The following MARK1 variants were observed in gnomAD, a reference collection of about 807,000 sequenced individuals.
MARK1 encodes the protein serine/threonine-protein kinase MARK1.
Under a neutral mutation model 96.3 loss-of-function variants are expected in MARK1, and 40 were observed. That is an observed-to-expected ratio of 0.42 (90% CI 0.32 to 0.54). The LOEUF (loss-of-function observed/expected upper bound fraction) is 0.54, where lower values mean the gene tolerates loss of function less well. MARK1 is among the 20% of genes least tolerant of loss of function. The pLI, the probability that MARK1 is intolerant of heterozygous loss-of-function variation, is 0.16. For synonymous variants in MARK1, 317 were observed against 341.2 expected (o/e 0.93, Z 0.78); for missense variants, 719 against 984.6 (o/e 0.73, Z 3.61).
In MARK1 at chr1:220,635,424, C is replaced by T. The variant is rs1667904525; in HGVS notation, c.1171C>T (p.Arg391Trp). 2.5e-6 allele frequency: 4 copies of T among 1,612,682 alleles called. No homozygotes were observed. Among genetic ancestry groups the T allele is most frequent in the South Asian group, 1.1e-5 (1 of 90,900 alleles). Residue 391 changes from arginine (R) to tryptophan (W), a missense_variant, in exon 12 of 18, where the codon CGG (arginine) becomes TGG (tryptophan). By Grantham distance (101) the Arg-to-Trp change is moderately radical (BLOSUM62 -3). Around this residue, in one of 4 missense-constraint regions of MARK1, gnomAD observed 501 missense variants for 588.3 expected, o/e 0.85. Coordinates refer to ENST00000366917, the MANE Select transcript of MARK1 (RefSeq NM_018650.5). The stretch of plus-strand genomic sequence containing the variant: ...CAGTGGAAACTTGTGTCAGAGGTCC[C>T]GGCCCAGTAGTGACTTAAACAACAG... ...LSSGNLCQRS[R>W]PSSDLNNSTL...
chr1:220,645,325 A>G (rs965553381), intron 13 of MARK1, among the ~76,000 whole-genome samples: 1 of 152,212 alleles, frequency 6.6e-6, no homozygotes, highest in African/African-American at 2.4e-5. Flanking sequence ...GAAGAAATGG[A>G]TAAGTTTCTG....
Position 220,661,961 on chromosome 1 carries a change from A to G in MARK1, c.2183A>G (p.Asn728Ser). ...GAAATCCGAAAAGTGTTAGATGCAA[A>G]TAACTGTGATTATGAGCAAAAAGAG... ...MREIRKVLDANNCDYEQKERF... is the reference protein window; with the variant it reads ...MREIRKVLDASNCDYEQKERF... The change falls in exon 18 of 18, where the codon AAT (asparagine) becomes AGT (serine). Residue 728 changes from asparagine (N) to serine (S), a missense_variant. Physicochemically the swap from Asn to Ser is conservative, Grantham distance 46. This residue lies in a region of MARK1 where 501 missense variants were observed against 588.3 expected (regional missense o/e 0.85). Coordinates refer to ENST00000366917, the MANE Select transcript of MARK1 (RefSeq NM_018650.5). 1 of 1,614,222 alleles carries G rather than the reference A, an allele frequency of 6.2e-7. No individual in the cohort carries two copies. The highest frequency in any genetic ancestry group is 8.5e-7 in the Non-Finnish European group (1 of 1,180,046).
chr1:220,552,412 A>G (rs1661926595), intron 1 of MARK1, among the ~76,000 whole-genome samples: 1 of 152,188 alleles, frequency 6.6e-6, no homozygotes, highest in Admixed American at 6.5e-5. Flanking sequence ...TTTGGAGTAC[A>G]TATTGCATCC....
Position 220,664,371 on chromosome 1 carries a change from A to G in MARK1, c.*2205A>G, listed in dbSNP as rs1230565308. 2.0e-5 allele frequency: 3 copies of G among 152,226 alleles called. No homozygotes were observed. In the East Asian group the frequency reaches 5.8e-4, roughly 29 times the overall value. 9.4% of individuals were successfully genotyped at this position (152,226 alleles called of 1,614,324 possible). A position where few individuals can be genotyped will look rare whatever the true frequency, so the allele number is the denominator to read the frequency against. ...CATAAATAAATACCAGTTTATGTTCACCGGCTATGTGATACCAGGATTTCC... is the reference window on the plus strand; with the variant it reads ...CATAAATAAATACCAGTTTATGTTCGCCGGCTATGTGATACCAGGATTTCC... On this transcript the variant is annotated 3_prime_UTR_variant, in exon 18 of 18. Transcript: ENST00000366917.
At chr1:220,586,011 A>ACACACACACACGCACGCGCG (rs112968910) in intron 3 of MARK1, among the ~76,000 whole-genome samples, 1 of 148,536 alleles carries the variant, frequency 6.7e-6, no homozygotes, top group Non-Finnish European at 1.5e-5. Context: ...ACACACACAC[A>ACACACACACACGCACGCGCG]CGCGCGCGTG....
Position 220,618,363 on chromosome 1 carries a change from T to C in MARK1, c.606T>C (p.Gly202=), listed in dbSNP as rs747504886. ...GDMNIKIADF[G]FSNEFTVGNK... ...TGAATATTAAAATTGCTGACTTTGG[T>C]TTTAGTAATGAATTTACAGTTGGGA... Residue 202 remains glycine, a synonymous_variant, in exon 8 of 18, where the codon GGT becomes GGC. Transcript: ENST00000366917. This position sits in a 1 kb window ranked among gnomAD's most constrained non-coding sequence, Gnocchi z 4.6. 6.2e-6 allele frequency: 10 copies of C among 1,614,014 alleles called. No individual in the cohort carries two copies. In the Admixed American group the frequency reaches 1.7e-4, roughly 27 times the overall value.
At chr1:220,632,882 A>G (rs556256865) in intron 11 of MARK1, among the ~76,000 whole-genome samples, 2 of 152,322 alleles carry the variant, frequency 1.3e-5, no homozygotes, top group East Asian at 1.9e-4. Flanking sequence ...GCATTGCTAT[A>G]AAGAAGTACC....
chr1:220,534,763 G>GACTACTTT (rs1297746866), intron 1 of MARK1, among the ~76,000 whole-genome samples: 1 of 152,022 alleles, frequency 6.6e-6, no homozygotes, highest in African/African-American at 2.4e-5. Flanking sequence ...TCACAAAAAT[G>GACTACTTT]GGATCATGTA....
Position 220,573,128 on chromosome 1 carries a change from ATTTGTTTGTTTG to A in MARK1, c.52-6210_52-6199del, listed in dbSNP as rs370445682. 4.0e-5 allele frequency among the ~76,000 whole-genome samples: 6 copies of A among 150,944 alleles called. No homozygotes were observed. In the East Asian group the frequency reaches 9.8e-4, roughly 25 times the overall value. On this transcript the variant is annotated intron_variant, in intron 1 of 17. Transcript: ENST00000366917. The stretch of plus-strand genomic sequence containing the variant: ...GTGATCTTCTACACTGGGTTTTTTT[ATTTGTTTGTTTG>A]TTTGTTTGTTTGTTTTGGTATTTAT...
chr1:220,637,031 T>C (rs529343265), intron 13 of MARK1, among the ~76,000 whole-genome samples: 22 of 152,204 alleles, frequency 1.4e-4, no homozygotes, highest in Non-Finnish European at 2.9e-4. Flanking sequence ...CCAGAAATCT[T>C]ATCTAGCCAT....
chr1:220,579,300 G>C, intron 1 of MARK1, 54 bp from the exon 2 acceptor site: 1 of 1,206,916 alleles, frequency 8.3e-7, no homozygotes, highest in East Asian at 2.5e-5. Flanking sequence ...CTTTTTACTT[G>C]TCCTTTTATA....
chr1:220,621,756 T>C (rs1430910992), intron 9 of MARK1, among the ~76,000 whole-genome samples: 2 of 152,148 alleles, frequency 1.3e-5, no homozygotes, highest in African/African-American at 4.8e-5. Flanking sequence ...GAGTATCCTC[T>C]AGTCTTTCTT....
At chr1:220,646,101 AAG>A (rs1216743456) in intron 13 of MARK1, among the ~76,000 whole-genome samples, 1 of 152,194 alleles carries the variant, frequency 6.6e-6, no homozygotes, top group Admixed American at 6.5e-5. Flanking sequence ...TTTAGATAGG[AAG>A]AGAGGAAGTC....
chr1:220,612,653 T>G (rs1288512433), intron 6 of MARK1, among the ~76,000 whole-genome samples: 3 of 152,230 alleles, frequency 2.0e-5, no homozygotes, highest in African/African-American at 7.2e-5. Context: ...CAGATAAATT[T>G]ATACTTAAAT....
intron 9 of MARK1, chr1:220,626,303 C>A: frequency 1.8e-6 from 1 of 542,504 alleles, no homozygotes. Context: ...TTCTATACCA[C>A]AGACTGGGTC....
intron 1 of MARK1, among the ~76,000 whole-genome samples, chr1:220,578,058 C>T (rs1224772629): frequency 2.0e-5 from 3 of 152,128 alleles, no homozygotes; most frequent in African/African-American, 4.8e-5. Flanking sequence ...TTAATGTTGC[C>T]TTTAAGATCA....
chr1:220,644,417 A>C (rs1370644368), intron 13 of MARK1, among the ~76,000 whole-genome samples: 1 of 150,540 alleles, frequency 6.6e-6, no homozygotes, highest in Non-Finnish European at 1.5e-5. Flanking sequence ...GATTCATAAA[A>C]CAAGTTCTTA....
intron 1 of MARK1, among the ~76,000 whole-genome samples, chr1:220,564,160 A>C (rs140939597): frequency 0.016 from 2,362 of 152,250 alleles, 34 homozygotes; most frequent in Middle Eastern, 0.044. Flanking sequence ...GTTCTCTGTG[A>C]TCTTAATTTA....
At chr1:220,604,868 T>G (rs1037746476) in intron 6 of MARK1, among the ~76,000 whole-genome samples, 2 of 152,140 alleles carry the variant, frequency 1.3e-5, no homozygotes, top group Non-Finnish European at 2.9e-5. Context: ...ATTAGTGAAT[T>G]GTAAATTGTA....
Sources: allele counts gnomAD v4.1 joint callset (sites outside exome capture counted in the v4.1 genomes callset), GRCh38; gene constraint gnomAD v4.1.1; regional missense constraint gnomAD v4.1.1; non-coding constraint Gnocchi (gnomAD v3.1); transcripts MANE v1.5; gene names NCBI Gene and HGNC (gene_info 2026-07-23, HGNC 2026-07-21).